The following TBC1D8 variants were observed in gnomAD, a reference collection of about 807,000 sequenced individuals.
The protein encoded by TBC1D8 is TBC1 domain family member 8, also known as BUB2-like protein 1.
A neutral mutation model predicts 118.8 loss-of-function variants in TBC1D8; 65 were observed. The ratio of observed to expected loss-of-function variants is 0.55; its 90% confidence interval spans 0.45 to 0.67. TBC1D8 has a LOEUF of 0.67. TBC1D8 is among the 30% of genes least tolerant of loss of function. TBC1D8 has a pLI of 0.00. For synonymous variants in TBC1D8, 566 were observed against 595.8 expected (o/e 0.95, Z 0.73); for missense variants, 1,376 against 1,471.2 (o/e 0.94, Z 1.06).
Position 101,032,329 on chromosome 2 carries a change from G to A in TBC1D8, c.1875C>T (p.Phe625=), listed in dbSNP as rs770839360. 2 of 1,613,914 alleles carry A rather than the reference G, an allele frequency of 1.2e-6. No individual in the cohort carries two copies. The highest frequency in any genetic ancestry group is 1.1e-5 in the South Asian group (1 of 91,078). The change falls in exon 11 of 20, where the codon TTC becomes TTT. Residue 625 remains phenylalanine, a synonymous_variant. Coordinates refer to ENST00000409318, the MANE Select transcript of TBC1D8 (RefSeq NM_001330348.2). ...GCTCACACACAGCAACCAACAGCCAGAAGGCTTCCTCCTCCTTGGTGTACA... is the reference window on the plus strand; with the variant it reads ...GCTCACACACAGCAACCAACAGCCAAAAGGCTTCCTCCTCCTTGGTGTACA... ...LLLYTKEEEA[F]WLLVAVCERM...
chr2:101,033,321 GC>G (rs746493932), intron 10 of TBC1D8: 1 of 632,442 alleles, frequency 1.6e-6, no homozygotes, highest in Non-Finnish European at 2.9e-6. Flanking sequence ...CACCATGTTG[GC>G]CAGGATGGTC....
At chr2:101,022,056 G>A (rs1408299860) in intron 16 of TBC1D8, among the ~76,000 whole-genome samples, 1 of 152,182 alleles carries the variant, frequency 6.6e-6, no homozygotes, top group Admixed American at 6.5e-5. Context: ...AAAGCAAGGT[G>A]AACAGCCTCG....
intron 9 of TBC1D8, among the ~76,000 whole-genome samples, chr2:101,034,179 G>A (rs1680855684): frequency 6.6e-6 from 1 of 152,062 alleles, no homozygotes; most frequent in African/African-American, 2.4e-5. Flanking sequence ...ATGTAGCCTA[G>A]TCAAAAAAAC....
Position 101,029,580 on chromosome 2 carries a change from GATGGCTTTGATGCCAT to G in TBC1D8, c.2117_2132del (p.Asp706AlafsTer26), listed in dbSNP as rs1387983074. On this transcript the variant is annotated frameshift_variant, in exon 12 of 20. Transcript: ENST00000409318. LOFTEE classifies it high-confidence loss of function. ...CAAGCACAGCCAGTCCCAGCTGGAA[GATGGCTTTGATGCCAT>G]CATAGAAGAAGCAGTCTACCACATT... 6.2e-7 allele frequency: 1 copy of G among 1,613,994 alleles called. No individual in the cohort carries two copies. The highest frequency in any genetic ancestry group is 1.7e-5 in the Admixed American group (1 of 60,020).
intron 1 of TBC1D8, among the ~76,000 whole-genome samples, chr2:101,099,754 C>CA (rs1249647426): frequency 6.6e-6 from 1 of 152,156 alleles, no homozygotes; most frequent in Non-Finnish European, 1.5e-5. Context: ...GAACCAAAGA[C>CA]AAAAACCACA....
chr2:101,069,339 C>A (rs1248473463), intron 2 of TBC1D8, among the ~76,000 whole-genome samples: 1 of 151,748 alleles, frequency 6.6e-6, no homozygotes, highest in East Asian at 1.9e-4. Context: ...GTAATCCCAG[C>A]ACTTTGGGAG....
intron 19 of TBC1D8, among the ~76,000 whole-genome samples, chr2:101,009,984 G>A (rs974663174): frequency 2.6e-5 from 4 of 151,636 alleles, no homozygotes; most frequent in Non-Finnish European, 2.9e-5. Flanking sequence ...ACCACGTCCA[G>A]CTAATTTTTT....
chr2:101,042,695 C>G (rs1415101417), intron 5 of TBC1D8, among the ~76,000 whole-genome samples: 2 of 151,962 alleles, frequency 1.3e-5, no homozygotes, highest in African/African-American at 4.8e-5. Flanking sequence ...AGTGGGACTT[C>G]CACTTTCCAA....
rs571628625 is a variant in TBC1D8 at position 101,037,589 on chromosome 2, G to A, written c.1395C>T (p.Pro465=). 5.0e-5 allele frequency: 81 copies of A among 1,613,384 alleles called. No individual in the cohort carries two copies. In the African/African-American group the frequency reaches 5.5e-4, roughly 11 times the overall value. Residue 465 remains proline (P), a synonymous_variant, in exon 8 of 20, where the codon CCC becomes CCT. Coordinates refer to ENST00000409318, the MANE Select transcript of TBC1D8 (RefSeq NM_001330348.2). ...GCTGGAAGGCGGTGACCAGGGCATC[G>A]GGGTGCATCAGCGGGCTCTTCTCTT... ...SEKEKSPLMH[P]DALVTAFQQS... is the part of the protein sequence containing the mutation.
intron 1 of TBC1D8, among the ~76,000 whole-genome samples, chr2:101,142,583 G>A (rs976694633): frequency 6.6e-6 from 1 of 152,104 alleles, no homozygotes; most frequent in African/African-American, 2.4e-5. Context: ...CCATGAAAAT[G>A]AATGAACCAC....
chr2:101,108,270 T>C (rs1299277597), intron 1 of TBC1D8, among the ~76,000 whole-genome samples: 1 of 152,032 alleles, frequency 6.6e-6, no homozygotes, highest in Non-Finnish European at 1.5e-5. Context: ...CTCAAAACTG[T>C]GAAGGTCATC....
intron 1 of TBC1D8, among the ~76,000 whole-genome samples, chr2:101,094,632 A>C (rs1438651639): frequency 1.3e-5 from 2 of 152,084 alleles, no homozygotes; most frequent in Non-Finnish European, 2.9e-5. Context: ...GAAAGAGTGG[A>C]AATTTTTCTC....
At chr2:101,023,214 A>G (rs1363836636) in intron 15 of TBC1D8, among the ~76,000 whole-genome samples, 2 of 144,756 alleles carry the variant, frequency 1.4e-5, no homozygotes, top group Admixed American at 6.9e-5. Context: ...GCGCGATCTC[A>G]GCTCACTGCA....
intron 2 of TBC1D8, among the ~76,000 whole-genome samples, chr2:101,073,395 T>C (rs1022673865): frequency 6.6e-6 from 1 of 151,560 alleles, no homozygotes; most frequent in African/African-American, 2.4e-5. Flanking sequence ...CCTGGGTTCA[T>C]GCCATTCTCC....
rs552811913 is a variant in TBC1D8, at chr2:101,023,365, C to T, written c.2521-844G>A. On this transcript the variant is annotated intron_variant, in intron 15 of 19. Coordinates refer to ENST00000409318, the MANE Select transcript of TBC1D8 (RefSeq NM_001330348.2). The stretch of plus-strand genomic sequence containing the variant: ...TTCACCGTGTCAGCCAGGCTGGTCT[C>T]GAACTCTTGACCTTGGGTGATCCAC... 1.3e-3 allele frequency among the ~76,000 whole-genome samples: 199 copies of T among 151,930 alleles called. 2 individuals carry two copies. Among genetic ancestry groups the T allele is most frequent in the Non-Finnish European group, 2.2e-3 (149 of 67,958 alleles).
chr2:101,135,808 T>C (rs543977171), intron 1 of TBC1D8, among the ~76,000 whole-genome samples: 1 of 152,290 alleles, frequency 6.6e-6, no homozygotes, highest in Non-Finnish European at 1.5e-5. Context: ...GCAATGTTTG[T>C]TCTTCATGTT....
chr2:101,084,359 G>A (rs1675459965), intron 2 of TBC1D8, among the ~76,000 whole-genome samples: 2 of 152,196 alleles, frequency 1.3e-5, no homozygotes, highest in South Asian at 2.1e-4. Flanking sequence ...GGCCAGCCTG[G>A]CCAACATGGC....
chr2:101,094,382 C>G (rs1478511591), intron 1 of TBC1D8, among the ~76,000 whole-genome samples: 1 of 152,164 alleles, frequency 6.6e-6, no homozygotes, highest in East Asian at 1.9e-4. Context: ...ATAAAACAAC[C>G]TTTGCCTGTC....
intron 1 of TBC1D8, among the ~76,000 whole-genome samples, chr2:101,139,661 C>T (rs1679014526): frequency 6.6e-6 from 1 of 152,114 alleles, no homozygotes; most frequent in Admixed American, 6.6e-5. Context: ...TTAACTTGTC[C>T]AAAACAGACT....
Sources: allele counts gnomAD v4.1 joint callset (sites outside exome capture counted in the v4.1 genomes callset), GRCh38; gene constraint gnomAD v4.1.1; transcripts MANE v1.5; gene names NCBI Gene and HGNC (gene_info 2026-07-23, HGNC 2026-07-21).